Variants in SYMPK observed in about 807,000 individuals in gnomAD.
SYMPK encodes the protein symplekin.
SYMPK carries 49 observed loss-of-function variants against 136.4 expected under a neutral mutation model. That is an observed-to-expected ratio of 0.36 (90% CI 0.29 to 0.46). The LOEUF (loss-of-function observed/expected upper bound fraction) is 0.46, where lower values mean the gene tolerates loss of function less well. Ranked by LOEUF, SYMPK falls within the 20% of genes least tolerant of loss-of-function variation. The pLI is 1.00. For synonymous variants in SYMPK, 766 were observed against 713.0 expected (o/e 1.07, Z -1.19); for missense variants, 1,365 against 1,690.0 (o/e 0.81, Z 3.37).
chr19:45,829,078 T>G lies in SYMPK; in HGVS notation c.1877A>C (p.Glu626Ala). ...LDLAFAWLYQ[E>A]YNAYLAAGAS... Reference sequence around the variant, plus strand: ...ACCTGCGGCCAGGTAGGCGTTGTACTCCTGGTAGAGCCAGGCGAAGGCCAG... The same window carrying G: ...ACCTGCGGCCAGGTAGGCGTTGTACGCCTGGTAGAGCCAGGCGAAGGCCAG... The change falls in exon 14 of 27, where the codon GAG (glutamate) becomes GCG (alanine). Residue 626 changes from glutamate to alanine, a missense_variant. Glu to Ala is a moderately radical substitution (Grantham distance 107). Coordinates refer to ENST00000245934, the MANE Select transcript of SYMPK (RefSeq NM_004819.3). 6.2e-7 allele frequency: 1 copy of G among 1,614,142 alleles called. No homozygotes were observed. Among genetic ancestry groups the G allele is most frequent in the South Asian group, 1.1e-5 (1 of 91,082 alleles).
Position 45,816,327 on chromosome 19 carries a change from A to T in SYMPK, c.3355-144T>A, listed in dbSNP as rs1195703434. 3.3e-6 allele frequency: 4 copies of T among 1,207,344 alleles called. No homozygotes were observed. In the African/African-American group the frequency reaches 4.6e-5, roughly 14 times the overall value. 74.8% of individuals were successfully genotyped at this position (1,207,344 alleles called of 1,614,324 possible). On this transcript the variant is annotated intron_variant, in intron 25 of 26. Transcript: ENST00000245934. Reference sequence around the variant, plus strand: ...GGGGCAGTTGTCCCCCAGACCCCCAACTCCCAGCAGGAGCATCCCCTGGGA... The same window carrying T: ...GGGGCAGTTGTCCCCCAGACCCCCATCTCCCAGCAGGAGCATCCCCTGGGA...
In SYMPK at chr19:45,852,350, T is replaced by A. The variant is rs771823781; in HGVS notation, c.261A>T (p.Glu87Asp). The change falls in exon 5 of 27, where the codon GAA (glutamate) becomes GAT (aspartate). Residue 87 changes from glutamate to aspartate, a missense_variant. Glu to Asp is a conservative substitution (Grantham distance 45). This residue lies in a region of SYMPK where 237 missense variants were observed against 292.9 expected (regional missense o/e 0.81). Transcript: ENST00000245934. ...IIAFQADKSI[E>D]VRKFVIGFIE... The stretch of plus-strand genomic sequence containing the variant: ...TGAAGCCGATGACAAATTTTCGCAC[T>A]TCGATTGACTTGTCTGCTTGGAATG... The A allele has an allele frequency of 2.5e-6, 4 of 1,614,078 alleles. No individual in the cohort carries two copies. The Admixed American group carries it at 6.7e-5, about 27-fold the overall frequency.
chr19:45,857,072 C>T (rs1376550729), intron 1 of SYMPK, among the ~76,000 whole-genome samples: 1 of 151,972 alleles, frequency 6.6e-6, no homozygotes, highest in Non-Finnish European at 1.5e-5. Context: ...GAGCTGAGAT[C>T]ACGCCACTGC....
At chr19:45,838,063 G>C (rs1023848002) in intron 10 of SYMPK, among the ~76,000 whole-genome samples, 4 of 152,076 alleles carry the variant, frequency 2.6e-5, no homozygotes, top group Admixed American at 2.6e-4. Context: ...GTGGGGCCTG[G>C]TCGGGGGTGT....
chr19:45,838,285 T>TAA (rs1360292291), intron 10 of SYMPK, among the ~76,000 whole-genome samples, 176 bp downstream of exon 10: 4 of 152,036 alleles, frequency 2.6e-5, no homozygotes, highest in Non-Finnish European at 5.9e-5. Flanking sequence ...GCTAAGCAGA[T>TAA]GCCAGCACCA....
At chr19:45,838,723 G>A in intron 9 of SYMPK, 108 bp from the exon 10 acceptor site, 1 of 1,240,892 alleles carries the variant, frequency 8.1e-7, no homozygotes, top group East Asian at 2.5e-5. Flanking sequence ...TCAGCAAACA[G>A]GAGCAAACAG....
chr19:45,852,642 A>G, intron 3 of SYMPK, 107 bp from the exon 4 acceptor site: 2 of 1,347,886 alleles, frequency 1.5e-6, no homozygotes, highest in Admixed American at 1.8e-5. Context: ...TAGGCAGCAG[A>G]TACACTCATT....
chr19:45,850,178 G>C (rs1296364310), intron 5 of SYMPK, among the ~76,000 whole-genome samples: 1 of 152,190 alleles, frequency 6.6e-6, no homozygotes, highest in African/African-American at 2.4e-5. Context: ...TCAGGAGGCA[G>C]AGGTTGTAGT....
At chr19:45,846,805 T>C (rs1198856220) in intron 7 of SYMPK, among the ~76,000 whole-genome samples, 1 of 146,722 alleles carries the variant, frequency 6.8e-6, no homozygotes, top group Non-Finnish European at 1.5e-5. Flanking sequence ...TAGTACTTTT[T>C]TTTTTTTTGA....
chr19:45,840,003 CA>C (rs1421359537), intron 9 of SYMPK, among the ~76,000 whole-genome samples: 1 of 152,080 alleles, frequency 6.6e-6, no homozygotes, highest in East Asian at 1.9e-4. Flanking sequence ...ACCAAGCGTT[CA>C]AAAGTTAATA....
In SYMPK at chr19:45,815,924, A is replaced by T. The variant is rs753063561; in HGVS notation, c.3614T>A (p.Ile1205Asn). 7 of 1,612,206 alleles carry T rather than the reference A, an allele frequency of 4.3e-6. No individual in the cohort carries two copies. In the Admixed American group the frequency reaches 8.3e-5, roughly 19 times the overall value. The change falls in exon 26 of 27, where the codon ATC becomes AAC. Residue 1205 changes from isoleucine to asparagine, a missense_variant. Transcript: ENST00000245934. ...GPECETPGIF[I>N]SMDDDSGLTE... Reference sequence around the variant, plus strand: ...CAGCCCCGAGTCGTCATCCATGCTGATGAAGATGCCCGGGGTCTCGCACTC... The same window carrying T: ...CAGCCCCGAGTCGTCATCCATGCTGTTGAAGATGCCCGGGGTCTCGCACTC...
intron 8 of SYMPK, 53 bp from the exon 9 acceptor site, chr19:45,842,542 G>A (rs1971467210): frequency 6.3e-7 from 1 of 1,589,480 alleles, no homozygotes; most frequent in South Asian, 1.1e-5. Context: ...ATGGCATGCT[G>A]CCAGTCTTAA....
chr19:45,857,467 C>CT (rs1263283060), intron 1 of SYMPK, among the ~76,000 whole-genome samples: 44 of 112,012 alleles, frequency 3.9e-4, no homozygotes, highest in Non-Finnish European at 7.5e-4. Flanking sequence ...GCCAAAAAAA[C>CT]AATAATCTGA....
intron 18 of SYMPK, among the ~76,000 whole-genome samples, chr19:45,824,727 G>C (rs926213043): frequency 6.6e-6 from 1 of 152,220 alleles, no homozygotes; most frequent in African/African-American, 2.4e-5. Context: ...GGGCAGACCT[G>C]TGCCTCTAGA....
chr19:45,838,749 G>A, intron 9 of SYMPK, 134 bp from the exon 10 acceptor site: 1 of 1,014,256 alleles, frequency 9.9e-7, no homozygotes, highest in South Asian at 1.7e-5. Flanking sequence ...GAAGATCCAG[G>A]CTGCAGCTCT....
intron 18 of SYMPK, 35 bp from the exon 19 acceptor site, chr19:45,823,910 T>C: frequency 1.3e-6 from 2 of 1,578,084 alleles, no homozygotes; most frequent in Admixed American, 1.7e-5. Context: ...AGACCCAGGG[T>C]GAGAGCTTAG....
intron 10 of SYMPK, among the ~76,000 whole-genome samples, chr19:45,837,738 G>C (rs560011007): frequency 1.1e-4 from 17 of 152,188 alleles, no homozygotes; most frequent in African/African-American, 3.9e-4. Flanking sequence ...GTGAGGGTTG[G>C]GCTTCAGGTG....
At position 45,847,894 on chromosome 19, in the gene SYMPK, G is replaced by A. The variant is rs773950238; in HGVS notation, c.534C>T (p.Gly178=). ...CAAACTTGATGGCGTGGGTGCGGAT[G>A]CCGTCATTGTCAGAGTCCAATAGCA... ...IILLLDSDND[G]IRTHAIKFVE... The change falls in exon 7 of 27, where the codon GGC becomes GGT. Residue 178 remains glycine (G), a synonymous_variant. Coordinates refer to ENST00000245934, the MANE Select transcript of SYMPK (RefSeq NM_004819.3). 6.2e-7 allele frequency: 1 copy of A among 1,614,042 alleles called. No individual in the cohort carries two copies. The highest frequency in any genetic ancestry group is 2.2e-5 in the East Asian group (1 of 44,874).
rs772872896 is a variant in SYMPK, at chr19:45,821,347, G to A, written c.2893+37C>T. 3 of 1,535,786 alleles carry A rather than the reference G, an allele frequency of 2.0e-6. No individual in the cohort carries two copies. In the Admixed American group the frequency reaches 5.0e-5, roughly 26 times the overall value. On this transcript the variant is annotated intron_variant, in intron 22 of 26. Coordinates refer to ENST00000245934, the MANE Select transcript of SYMPK (RefSeq NM_004819.3). The surrounding 1 kb of genome is among the most constrained non-coding windows in gnomAD (Gnocchi z 4.4). ...ACTGAGGTCCTGCCCTGGCGTCGCA[G>A]GGGCCAGGCCACTGGAGTGGGGGGG...
Sources: gnomAD v4.1 joint callset for allele counts (sites outside exome capture counted in the v4.1 genomes callset) on GRCh38, gnomAD v4.1.1 for gene constraint, gnomAD v4.1.1 regional missense constraint, Gnocchi (gnomAD v3.1) non-coding constraint, MANE v1.5 for transcripts, NCBI Gene and HGNC (gene_info 2026-07-23, HGNC 2026-07-21) for gene names.